The following CSMD1 variants were observed in gnomAD, a reference collection of about 807,000 sequenced individuals.
CSMD1 encodes the protein CUB and Sushi multiple domains 1, also known as CUB and sushi domain-containing protein 1.
CSMD1 carries 213 observed loss-of-function variants against 417.5 expected under a neutral mutation model. The observed-to-expected ratio is 0.51, with a 90% CI of 0.46 to 0.57. The LOEUF is 0.57. Ranked by LOEUF, CSMD1 falls within the 20% of genes least tolerant of loss-of-function variation. CSMD1 has a pLI of 0.00. For missense variants in CSMD1, 6,923 were observed against 4,529.7 expected (o/e 1.53, Z -15.17); for synonymous variants, 2,862 against 1,736.8 (o/e 1.65, Z -16.11).
At chr8:4,926,555 T>C (rs558110381) in intron 1 of CSMD1, among the ~76,000 whole-genome samples, 2 of 152,310 alleles carry the variant, frequency 1.3e-5, no homozygotes, top group African/African-American at 2.4e-5. Flanking sequence ...TAGGTACAGA[T>C]GTGATATAGC....
chr8:4,183,200 T>C (rs1053340339), intron 3 of CSMD1, among the ~76,000 whole-genome samples: 2 of 152,004 alleles, frequency 1.3e-5, no homozygotes, highest in African/African-American at 4.8e-5. Flanking sequence ...GGGGAAAAAA[T>C]GGGTATACAG....
chr8:3,951,000 C>A (rs2912291), intron 5 of CSMD1, among the ~76,000 whole-genome samples: 1 of 152,038 alleles, frequency 6.6e-6, no homozygotes, highest in Non-Finnish European at 1.5e-5. Flanking sequence ...CATAATTCAA[C>A]TGAGCCCCGT....
At chr8:3,644,903 C>G (rs115537854) in intron 7 of CSMD1, among the ~76,000 whole-genome samples, 2,510 of 140,052 alleles carry the variant, frequency 0.018, 80 homozygotes, top group African/African-American at 0.066. Flanking sequence ...AGACAAAACA[C>G]TGGTAGAATT....
chr8:4,295,502 T>C (rs1466702513), intron 3 of CSMD1, among the ~76,000 whole-genome samples: 2 of 144,734 alleles, frequency 1.4e-5, no homozygotes, highest in East Asian at 4.1e-4. Context: ...AAATATATCT[T>C]ATACACATAT....
At chr8:4,961,036 C>T (rs1237522739) in intron 1 of CSMD1, among the ~76,000 whole-genome samples, 1 of 152,056 alleles carries the variant, frequency 6.6e-6, no homozygotes, top group African/African-American at 2.4e-5. Context: ...GATTCTTCCT[C>T]TTCTCACCCT....
intron 2 of CSMD1, among the ~76,000 whole-genome samples, chr8:4,577,607 T>C (rs1799199324): frequency 1.3e-5 from 2 of 152,172 alleles, no homozygotes; most frequent in East Asian, 3.9e-4. Flanking sequence ...TATCTCTTCT[T>C]CACCAGGTAA....
chr8:4,241,108 C>G (rs528008552), intron 3 of CSMD1, among the ~76,000 whole-genome samples: 1 of 152,134 alleles, frequency 6.6e-6, no homozygotes, highest in African/African-American at 2.4e-5. Context: ...ATCCTCTAAA[C>G]CTGTGTTTCA....
intron 8 of CSMD1, among the ~76,000 whole-genome samples, chr8:3,595,634 T>C (rs372582637): frequency 1.1e-4 from 16 of 152,192 alleles, no homozygotes; most frequent in African/African-American, 2.2e-4. Context: ...CTTGGAGTGA[T>C]TGGCAATTTC....
intron 3 of CSMD1, among the ~76,000 whole-genome samples, chr8:4,115,820 A>G (rs964534261): frequency 2.0e-5 from 3 of 152,090 alleles, no homozygotes; most frequent in African/African-American, 7.2e-5. Flanking sequence ...CTCAGTAAAA[A>G]AAAAGCCAAT....
chr8:3,821,919 G>A (rs560817157), intron 5 of CSMD1, among the ~76,000 whole-genome samples: 7 of 152,332 alleles, frequency 4.6e-5, no homozygotes, highest in African/African-American at 7.2e-5. Flanking sequence ...TGGATGCGAT[G>A]AAGACAACAT....
At chr8:4,373,448 C>T (rs944146165) in intron 3 of CSMD1, among the ~76,000 whole-genome samples, 52 of 152,092 alleles carry the variant, frequency 3.4e-4, no homozygotes, top group African/African-American at 1.2e-3. Flanking sequence ...GAAAACACTG[C>T]AATATCTCTG....
At chr8:4,562,474 A>G (rs1191130732) in intron 2 of CSMD1, among the ~76,000 whole-genome samples, 1 of 152,244 alleles carries the variant, frequency 6.6e-6, no homozygotes, top group East Asian at 1.9e-4. Flanking sequence ...GATTGAATTC[A>G]TTAGAAATCT....
At position 3,068,565 on chromosome 8, in the gene CSMD1, C is replaced by T. The variant is rs188296827; in HGVS notation, c.7475-15918G>A. Among the ~76,000 whole-genome samples, 697 of 151,970 alleles carry T rather than the reference C, an allele frequency of 4.6e-3. 7 individuals carry two copies. Among genetic ancestry groups the T allele is most frequent in the African/African-American group, 0.016 (671 of 41,246 alleles). On this transcript the variant is annotated intron_variant, in intron 49 of 69. Coordinates refer to ENST00000635120, the MANE Select transcript of CSMD1 (RefSeq NM_033225.6). ...AATTTATAAAGACATTTAGTTGGCT[C>T]ATGTTTCTGCAGGCTGTACGGGAAA...
intron 5 of CSMD1, among the ~76,000 whole-genome samples, chr8:3,958,428 T>G (rs1457281103): frequency 6.6e-6 from 1 of 151,614 alleles, no homozygotes; most frequent in Admixed American, 6.6e-5. Flanking sequence ...CATGGAAGCA[T>G]GTGCACGTTT....
At chr8:3,026,540 C>A (rs769420001) in intron 51 of CSMD1, among the ~76,000 whole-genome samples, 1 of 151,080 alleles carries the variant, frequency 6.6e-6, no homozygotes, top group Non-Finnish European at 1.5e-5. Context: ...CGGGGCCTGA[C>A]TGGACCTCAC....
intron 3 of CSMD1, among the ~76,000 whole-genome samples, chr8:4,156,508 T>G (rs111799567): frequency 3.3e-5 from 5 of 152,302 alleles, no homozygotes; most frequent in African/African-American, 1.2e-4. Context: ...TCCTTATGTG[T>G]AATAAAGTAA....
intron 4 of CSMD1, among the ~76,000 whole-genome samples, chr8:3,999,603 A>G (rs1443372926): frequency 6.6e-6 from 1 of 152,170 alleles, no homozygotes; most frequent in Non-Finnish European, 1.5e-5. Context: ...AGTTGACAGC[A>G]CACGGTTTTT....
chr8:3,919,052 G>T (rs912618963), intron 5 of CSMD1, among the ~76,000 whole-genome samples: 2 of 151,906 alleles, frequency 1.3e-5, no homozygotes, highest in Non-Finnish European at 2.9e-5. Context: ...ATATGTGGTT[G>T]TAAAAATTTT....
At chr8:4,538,557 C>T (rs866127798) in intron 2 of CSMD1, among the ~76,000 whole-genome samples, 10 of 151,870 alleles carry the variant, frequency 6.6e-5, no homozygotes, top group African/African-American at 1.5e-4. Context: ...GCAGGAGAAT[C>T]GCTTGAACCC....
Sources: allele counts gnomAD v4.1 joint callset (sites outside exome capture counted in the v4.1 genomes callset), GRCh38; gene constraint gnomAD v4.1.1; transcripts MANE v1.5; gene names NCBI Gene and HGNC (gene_info 2026-07-23, HGNC 2026-07-21).